The following CSMD1 variants were observed in gnomAD, a reference collection of about 807,000 sequenced individuals.
CSMD1 encodes CUB and Sushi multiple domains 1, also known as CUB and sushi domain-containing protein 1.
CSMD1 carries 213 observed loss-of-function variants against 417.5 expected under a neutral mutation model. The observed-to-expected ratio is 0.51, with a 90% confidence interval of 0.46 to 0.57. The LOEUF (loss-of-function observed/expected upper bound fraction) is 0.57. Among genes scored for constraint, CSMD1 ranks in the 20% least tolerant of loss-of-function variants. The pLI is 0.00. For synonymous variants in CSMD1, 2,862 were observed against 1,736.8 expected (o/e 1.65, Z -16.11); for missense variants, 6,923 against 4,529.7 (o/e 1.53, Z -15.17).
chr8:3,079,557 T>C (rs933466467), intron 49 of CSMD1, among the ~76,000 whole-genome samples: 1 of 152,168 alleles, frequency 6.6e-6, no homozygotes, highest in Non-Finnish European at 1.5e-5. Context: ...TGTTCATAAG[T>C]GAAGGATTTT....
At chr8:4,154,037 G>A (rs534178277) in intron 3 of CSMD1, among the ~76,000 whole-genome samples, 1 of 152,146 alleles carries the variant, frequency 6.6e-6, no homozygotes, top group Non-Finnish European at 1.5e-5. Flanking sequence ...TCAGCTTGCT[G>A]CCACATTTGT....
intron 5 of CSMD1, among the ~76,000 whole-genome samples, chr8:3,979,680 A>G (rs946926105): frequency 4.6e-5 from 7 of 152,214 alleles, no homozygotes; most frequent in African/African-American, 1.7e-4. Flanking sequence ...GGTGCCATCT[A>G]TGAGCCAGGA....
intron 2 of CSMD1, among the ~76,000 whole-genome samples, chr8:4,439,897 C>G (rs1798367945): frequency 6.6e-6 from 1 of 152,208 alleles, no homozygotes; most frequent in South Asian, 2.1e-4. Flanking sequence ...ATCAACTACA[C>G]AACAGTTAAC....
intron 8 of CSMD1, among the ~76,000 whole-genome samples, chr8:3,602,475 C>T (rs17396020): frequency 0.21 from 32,463 of 152,008 alleles, 3,676 homozygotes; most frequent in Admixed American, 0.26. Flanking sequence ...GGTCATTGAA[C>T]GTTCACTGCT....
chr8:4,118,506 G>A (rs894634820), intron 3 of CSMD1, among the ~76,000 whole-genome samples: 1 of 151,380 alleles, frequency 6.6e-6, no homozygotes, highest in Non-Finnish European at 1.5e-5. Flanking sequence ...CATCATCACT[G>A]GTCACTAGAG....
intron 60 of CSMD1, 32 bp downstream of exon 60, chr8:2,963,190 G>A (rs758713266): frequency 3.1e-6 from 5 of 1,610,528 alleles, no homozygotes; most frequent in South Asian, 2.2e-5. Context: ...CAGACCTGCA[G>A]TGGGCGGAAC....
chr8:4,146,181 A>G (rs1210466026), intron 3 of CSMD1, among the ~76,000 whole-genome samples: 1 of 150,962 alleles, frequency 6.6e-6, no homozygotes, highest in Non-Finnish European at 1.5e-5. Flanking sequence ...CCGCTGGCCA[A>G]GTCGATTCTC....
Position 3,484,418 on chromosome 8 carries a change from C to T in CSMD1, c.1448+9205G>A, listed in dbSNP as rs115162423. On this transcript the variant is annotated intron_variant, in intron 11 of 69. Coordinates refer to ENST00000635120, the MANE Select transcript of CSMD1 (RefSeq NM_033225.6). ...CGTGAACCTCAACCTCTGTCTCATG[C>T]CATATACAAAAACTAACTCAAAAGG... Among the ~76,000 whole-genome samples the T allele has an allele frequency of 3.7e-3, 565 of 152,212 alleles. 2 individuals carry two copies. The highest frequency in any genetic ancestry group is 0.013 in the African/African-American group (524 of 41,514).
chr8:2,947,042 C>A (rs1035458268), intron 68 of CSMD1, among the ~76,000 whole-genome samples: 2 of 152,136 alleles, frequency 1.3e-5, no homozygotes, highest in African/African-American at 4.8e-5. Flanking sequence ...CTATTCAAAT[C>A]TTTGGTCAAT....
intron 1 of CSMD1, among the ~76,000 whole-genome samples, chr8:4,885,372 G>C (rs1803671218): frequency 6.6e-6 from 1 of 151,878 alleles, no homozygotes; most frequent in Admixed American, 6.6e-5. Flanking sequence ...GCACAATGTT[G>C]AACAGAAGTA....
At chr8:4,286,354 T>C (rs1238833294) in intron 3 of CSMD1, among the ~76,000 whole-genome samples, 3 of 152,184 alleles carry the variant, frequency 2.0e-5, no homozygotes, top group African/African-American at 7.2e-5. Context: ...AACAACGTTT[T>C]TCCTTCTATG....
chr8:4,105,553 C>T (rs142247091), intron 3 of CSMD1, among the ~76,000 whole-genome samples: 31 of 152,164 alleles, frequency 2.0e-4, no homozygotes, highest in Non-Finnish European at 2.9e-4. Context: ...TTAAAAAATA[C>T]GACAAATAAG....
intron 5 of CSMD1, among the ~76,000 whole-genome samples, chr8:3,958,654 C>G (rs753223485): frequency 4.6e-5 from 7 of 151,970 alleles, no homozygotes; most frequent in Non-Finnish European, 7.4e-5. Context: ...TACAAATTAG[C>G]CTATAAAAAC....
At chr8:4,461,038 A>G (rs1249075606) in intron 2 of CSMD1, among the ~76,000 whole-genome samples, 1 of 152,206 alleles carries the variant, frequency 6.6e-6, no homozygotes, top group Non-Finnish European at 1.5e-5. Flanking sequence ...TTCAGATCCA[A>G]CAACATATAA....
rs2624058 is a variant in CSMD1 at position 3,694,591 on chromosome 8, A to C, written c.1009+13823T>G. ...CAGGCCCGAGACTCCCCACCCTGCA[A>C]AACTCAGGAGAAAAGGAAGGACCCA... On this transcript the variant is annotated intron_variant, in intron 7 of 69. Coordinates refer to ENST00000635120, the MANE Select transcript of CSMD1 (RefSeq NM_033225.6). Among the ~76,000 whole-genome samples, 13 of 151,838 alleles carry C rather than the reference A, an allele frequency of 8.6e-5. No individual in the cohort carries two copies. The East Asian group carries it at 2.6e-3, about 30-fold the overall frequency.
intron 4 of CSMD1, among the ~76,000 whole-genome samples, chr8:4,003,299 A>C (rs1815845811): frequency 6.6e-6 from 1 of 152,146 alleles, no homozygotes; most frequent in Non-Finnish European, 1.5e-5. Context: ...AGGCTGAGGC[A>C]GGAGAATGGT....
chr8:4,198,507 A>G (rs1000247317), intron 3 of CSMD1, among the ~76,000 whole-genome samples: 2 of 152,196 alleles, frequency 1.3e-5, no homozygotes, highest in Admixed American at 1.3e-4. Flanking sequence ...AGAAATCACT[A>G]GGATGGATTT....
chr8:3,503,108 A>T (rs1254766432), intron 10 of CSMD1, among the ~76,000 whole-genome samples: 1 of 152,212 alleles, frequency 6.6e-6, no homozygotes, highest in African/African-American at 2.4e-5. Context: ...ATCTGTATGC[A>T]ACACATACCA....
Position 4,707,639 on chromosome 8 carries a change from C to T in CSMD1, c.86-70081G>A, listed in dbSNP as rs142819690. On this transcript the variant is annotated intron_variant, in intron 1 of 69. Transcript: ENST00000635120. Reference sequence around the variant, plus strand: ...TGATGGCTCACTCCTGTAATCCCAGCACTTTGGGAGGCCGAGGCGGGCGGA... The same window carrying T: ...TGATGGCTCACTCCTGTAATCCCAGTACTTTGGGAGGCCGAGGCGGGCGGA... 5.8e-3 allele frequency among the ~76,000 whole-genome samples: 885 copies of T among 152,106 alleles called. 3 individuals carry two copies. The highest frequency in any genetic ancestry group is 9.5e-3 in the Admixed American group (145 of 15,272).
Sources: gnomAD v4.1 joint callset for allele counts (sites outside exome capture counted in the v4.1 genomes callset) on GRCh38, gnomAD v4.1.1 for gene constraint, MANE v1.5 for transcripts, NCBI Gene and HGNC (gene_info 2026-07-23, HGNC 2026-07-21) for gene names.